FBXL13: variants seen among roughly 807,000 people sequenced by gnomAD.
The protein encoded by FBXL13 is F-box and leucine rich repeat protein 13, also known as F-box and leucine-rich repeat protein 13.
In FBXL13, 67 loss-of-function variants were observed where a neutral mutation model predicts 83.6. That is an observed-to-expected ratio of 0.80 (90% CI 0.66 to 0.98). The LOEUF (loss-of-function observed/expected upper bound fraction) is 0.98. Ranked by LOEUF, FBXL13 falls within the 50% of genes least tolerant of loss-of-function variation. FBXL13 has a pLI of 0.00. For missense variants in FBXL13, 822 were observed against 866.5 expected, an observed-to-expected ratio of 0.95 and a Z score of 0.64; for synonymous variants, 272 against 299.5, an observed-to-expected ratio of 0.91 and a Z score of 0.95.
At position 103,043,713 on chromosome 7, in the gene FBXL13, C is replaced by T. The variant is rs1023848685; in HGVS notation, c.-1+11931G>A. On this transcript the variant is annotated intron_variant, in intron 2 of 19. Coordinates refer to ENST00000313221, the Ensembl canonical transcript of FBXL13. Reference sequence around the variant, plus strand: ...ATTTTTAGTAAAGACAGGGTTTCACCATGTTGGCCAGGCTGGTCTTGAACT... The same window carrying T: ...ATTTTTAGTAAAGACAGGGTTTCACTATGTTGGCCAGGCTGGTCTTGAACT... Among the ~76,000 whole-genome samples the T allele has an allele frequency of 5.9e-5, 9 of 152,184 alleles. No individual in the cohort carries two copies. The East Asian group carries it at 1.7e-3, about 29-fold the overall frequency.
intron 11 of FBXL13, among the ~76,000 whole-genome samples, chr7:102,886,606 T>C (rs530409182): frequency 1.3e-5 from 2 of 152,230 alleles, no homozygotes; most frequent in African/African-American, 4.8e-5. Context: ...TATGATTGAT[T>C]AGTTATTAAA....
chr7:102,910,812 G>A (rs1008422804), intron 11 of FBXL13, among the ~76,000 whole-genome samples: 6 of 152,142 alleles, frequency 3.9e-5, no homozygotes, highest in African/African-American at 1.4e-4. Flanking sequence ...AGGCTGGAAC[G>A]CAGTGGTGGG....
intron 6 of FBXL13, among the ~76,000 whole-genome samples, chr7:102,995,666 A>G (rs1386179061): frequency 1.3e-5 from 2 of 151,588 alleles, no homozygotes; most frequent in Non-Finnish European, 2.9e-5. Context: ...GTGCACCTGT[A>G]GTTCCAGCTA....
intron 16 of FBXL13, among the ~76,000 whole-genome samples, chr7:102,864,387 A>T (rs1158727756): frequency 1.3e-5 from 2 of 150,878 alleles, no homozygotes; most frequent in African/African-American, 2.4e-5. Flanking sequence ...TTTTTTTTTA[A>T]GATGGAGTCT....
chr7:103,043,447 C>A (rs1444111641), intron 2 of FBXL13, among the ~76,000 whole-genome samples: 1 of 152,160 alleles, frequency 6.6e-6, no homozygotes, highest in Non-Finnish European at 1.5e-5. Context: ...GAAATACATA[C>A]CATTTGACCC....
At chr7:102,933,873 C>T (rs1208395862) in intron 8 of FBXL13, 1 of 1,524,028 alleles carries the variant, frequency 6.6e-7, no homozygotes, top group African/African-American at 1.4e-5. Context: ...TTCATTGTTC[C>T]GTCTGTAACA....
chr7:103,021,356 G>C (rs1793150075), intron 6 of FBXL13, among the ~76,000 whole-genome samples: 1 of 152,158 alleles, frequency 6.6e-6, no homozygotes, highest in Non-Finnish European at 1.5e-5. Flanking sequence ...AGACTTAAAT[G>C]TTAGACCTAA....
At chr7:102,992,641 G>A (rs2129484631) in intron 6 of FBXL13, among the ~76,000 whole-genome samples, 1 of 152,314 alleles carries the variant, frequency 6.6e-6, no homozygotes, top group South Asian at 2.1e-4. Flanking sequence ...GTCTCACTCT[G>A]TCACCCAGGC....
At chr7:102,983,780 C>A (rs7789252) in intron 6 of FBXL13, among the ~76,000 whole-genome samples, 57,445 of 151,790 alleles carry the variant, frequency 0.38, 11,208 homozygotes, top group East Asian at 0.59. Context: ...AGTGGGTCAC[C>A]GGATGAGATA....
At chr7:102,943,143 A>T (rs1821779070) in intron 8 of FBXL13, among the ~76,000 whole-genome samples, 1 of 152,196 alleles carries the variant, frequency 6.6e-6, no homozygotes, top group Non-Finnish European at 1.5e-5. Context: ...TTTGGACTCT[A>T]CAGGAATAGA....
At chr7:102,873,863 T>C (rs1419536934) in intron 16 of FBXL13, among the ~76,000 whole-genome samples, 1 of 152,204 alleles carries the variant, frequency 6.6e-6, no homozygotes, top group Non-Finnish European at 1.5e-5. Context: ...CTTTCTTCTC[T>C]GGGAAAAGAA....
At chr7:102,835,504 A>G (rs1039844091) in intron 17 of FBXL13, among the ~76,000 whole-genome samples, 2 of 152,042 alleles carry the variant, frequency 1.3e-5, no homozygotes, top group African/African-American at 2.4e-5. Flanking sequence ...TGCTCAGTAC[A>G]TACTAGTTGG....
At chr7:103,018,388 C>A (rs1792653230) in intron 6 of FBXL13, among the ~76,000 whole-genome samples, 1 of 152,056 alleles carries the variant, frequency 6.6e-6, no homozygotes, top group African/African-American at 2.4e-5. Flanking sequence ...TTGGAAAAAC[C>A]ATCGATGTTA....
At chr7:102,903,947 T>TTTTTC (rs1563068233) in intron 11 of FBXL13, among the ~76,000 whole-genome samples, 1 of 142,924 alleles carries the variant, frequency 7.0e-6, no homozygotes, top group African/African-American at 2.6e-5. Flanking sequence ...TTCTTTTTTT[T>TTTTTC]TTTTTTTTTT....
At position 102,965,032 on chromosome 7, in the gene FBXL13, A is replaced by G. The variant is rs116573807; in HGVS notation, c.592-1367T>C. 7.8e-3 allele frequency among the ~76,000 whole-genome samples: 1,182 copies of G among 152,312 alleles called. 17 individuals are homozygous for G. The highest frequency in any genetic ancestry group is 0.027 in the African/African-American group (1,126 of 41,560). ...CTGATTCAATTCAGGGACAAAATGC[A>G]CAGTATCTAGAGGACTTACTGGACC... is the stretch of plus-strand genomic sequence containing the variant. On this transcript the variant is annotated intron_variant, in intron 7 of 19. Coordinates refer to ENST00000313221, the Ensembl canonical transcript of FBXL13.
chr7:102,920,902 C>T (rs1293434337), intron 10 of FBXL13, among the ~76,000 whole-genome samples: 3 of 152,092 alleles, frequency 2.0e-5, no homozygotes, highest in African/African-American at 7.2e-5. Context: ...ACCTGTAATC[C>T]CAGCACTTTG....
chr7:103,012,735 C>T (rs933247595), intron 6 of FBXL13, among the ~76,000 whole-genome samples: 1 of 152,190 alleles, frequency 6.6e-6, no homozygotes, highest in African/African-American at 2.4e-5. Context: ...TACTCTAAAG[C>T]AGCCACACAA....
At chr7:102,824,439 T>C (rs1799263018) in intron 18 of FBXL13, among the ~76,000 whole-genome samples, 1 of 152,222 alleles carries the variant, frequency 6.6e-6, no homozygotes, top group Non-Finnish European at 1.5e-5. Context: ...TTCTCATTCC[T>C]ATCCCCATTA....
chr7:102,968,181 C>A lies in FBXL13; in HGVS notation c.496-64G>T. 2.7e-6 allele frequency: 3 copies of A among 1,122,608 alleles called. No homozygotes were observed. In the South Asian group the frequency reaches 3.8e-5, roughly 14 times the overall value. 69.5% of individuals were successfully genotyped at this position (1,122,608 alleles called of 1,614,324 possible). ...AACTTTGATGTAACTTGTCCACTTA[C>A]CTTTTGTCTGTGTGTGTGCACACAT... On this transcript the variant is annotated intron_variant, in intron 6 of 19. Transcript: ENST00000313221.
Sources: allele counts gnomAD v4.1 joint callset (sites outside exome capture counted in the v4.1 genomes callset), GRCh38; gene constraint gnomAD v4.1.1; transcripts MANE v1.5; gene names NCBI Gene and HGNC (gene_info 2026-07-23, HGNC 2026-07-21).